METTL8: variants seen among roughly 807,000 people sequenced by gnomAD.
METTL8 encodes tRNA N(3)-cytidine methyltransferase METTL8, mitochondrial.
A neutral mutation model predicts 48.7 loss-of-function variants in METTL8; 32 were observed. That is an observed-to-expected ratio of 0.66 (90% CI 0.50 to 0.88). The LOEUF is 0.88. Ranked by LOEUF, METTL8 falls within the 40% of genes least tolerant of loss-of-function variation. The pLI is 0.00. For missense variants in METTL8, 464 were observed against 474.4 expected (o/e 0.98, Z 0.20); for synonymous variants, 136 against 157.1 (o/e 0.87, Z 1.01).
intron 3 of METTL8, among the ~76,000 whole-genome samples, chr2:171,359,619 GTT>G (rs371821670): frequency 1.4e-5 from 2 of 145,072 alleles, no homozygotes; most frequent in Non-Finnish European, 1.5e-5. Context: ...AACATTTCCG[GTT>G]TTTTTTTTTT....
chr2:171,355,982 C>T (rs1358074742), intron 3 of METTL8, among the ~76,000 whole-genome samples: 2 of 152,184 alleles, frequency 1.3e-5, no homozygotes, highest in African/African-American at 4.8e-5. Flanking sequence ...GTCCTGCACC[C>T]ACTGTCCGAC....
At chr2:171,329,062 T>C (rs145571810) in intron 7 of METTL8, among the ~76,000 whole-genome samples, 1 of 152,240 alleles carries the variant, frequency 6.6e-6, no homozygotes, top group Admixed American at 6.5e-5. Flanking sequence ...CTCGGCACAC[T>C]GCAACCTCTG....
intron 1 of METTL8, among the ~76,000 whole-genome samples, chr2:171,400,020 T>C (rs1260377947): frequency 6.6e-6 from 1 of 151,938 alleles, no homozygotes; most frequent in Non-Finnish European, 1.5e-5. Flanking sequence ...AATTCCAATA[T>C]CTCTTCCATG....
At chr2:171,407,885 C>T (rs1690348756) in intron 1 of METTL8, among the ~76,000 whole-genome samples, 1 of 152,140 alleles carries the variant, frequency 6.6e-6, no homozygotes, top group South Asian at 2.1e-4. Context: ...TAAAAAGATT[C>T]TGCAGTATTT....
At chr2:171,402,570 T>C (rs1274357164) in intron 1 of METTL8, among the ~76,000 whole-genome samples, 1 of 152,184 alleles carries the variant, frequency 6.6e-6, no homozygotes, top group Non-Finnish European at 1.5e-5. Context: ...ATACGTTATA[T>C]ATAGAAATAT....
intron 2 of METTL8, among the ~76,000 whole-genome samples, chr2:171,387,962 T>G (rs1412260787): frequency 6.6e-6 from 1 of 152,254 alleles, no homozygotes; most frequent in Non-Finnish European, 1.5e-5. Context: ...TCTTCAGCTC[T>G]GACCACTCTC....
chr2:171,405,739 A>C (rs1690111282), intron 1 of METTL8, among the ~76,000 whole-genome samples: 1 of 152,190 alleles, frequency 6.6e-6, no homozygotes, highest in Non-Finnish European at 1.5e-5. Flanking sequence ...TAGGCCAAAG[A>C]AAGGGGAAAT....
intron 2 of METTL8, 31 bp from the exon 3 acceptor site, chr2:171,360,544 C>A (rs746322512): frequency 1.3e-6 from 2 of 1,583,010 alleles, no homozygotes; most frequent in Admixed American, 3.5e-5. Context: ...GTAAAATATG[C>A]TTTATCATTG....
intron 3 of METTL8, among the ~76,000 whole-genome samples, chr2:171,347,060 C>A (rs1683343120): frequency 6.6e-6 from 1 of 152,210 alleles, no homozygotes; most frequent in Non-Finnish European, 1.5e-5. Flanking sequence ...CTTCTCCCTG[C>A]AGTGGTCCCC....
Position 171,362,566 on chromosome 2 carries a change from AAAAT to A in METTL8, c.144-2057_144-2054del, listed in dbSNP as rs147767237. Among the ~76,000 whole-genome samples the A allele has an allele frequency of 7.9e-4, 116 of 146,008 alleles. 2 individuals carry two copies. The Middle Eastern group carries it at 0.011, about 13-fold the overall frequency. The stretch of plus-strand genomic sequence containing the variant: ...CGAAACTGTTTTCCTTAAAAAAATA[AAAAT>A]AAATAAATAAATAAATAAATAAATA... On this transcript the variant is annotated intron_variant, in intron 2 of 9. Coordinates refer to ENST00000375258, the MANE Select transcript of METTL8 (RefSeq NM_001321154.2).
Sources: allele counts gnomAD v4.1 joint callset (sites outside exome capture counted in the v4.1 genomes callset), GRCh38; gene constraint gnomAD v4.1.1; transcripts MANE v1.5; gene names NCBI Gene and HGNC (gene_info 2026-07-23, HGNC 2026-07-21).